The following PCDH7 variants were observed in gnomAD, a reference collection of about 807,000 sequenced individuals.
PCDH7 encodes the protein protocadherin-7.
A neutral mutation model predicts 58.9 loss-of-function variants in PCDH7; 17 were observed. The observed-to-expected ratio is 0.29, with a 90% CI of 0.20 to 0.43. The LOEUF is 0.43. PCDH7 is among the 20% of genes least tolerant of loss of function. The pLI, the probability that PCDH7 is intolerant of heterozygous loss-of-function variation, is 1.00. For missense variants in PCDH7, 1,274 were observed against 1,441.0 expected (o/e 0.88, Z 1.88); for synonymous variants, 664 against 616.4 (o/e 1.08, Z -1.14).
Position 30,908,527 on chromosome 4 carries a change from A to G in PCDH7, c.71-11626A>G, listed in dbSNP as rs571257106. On this transcript the variant is annotated intron_variant, in intron 1 of 3. Transcript: ENST00000509759. ...ACAACAAAGATTAAATCAACTAGAA[A>G]ATCTAGAAGAAACCGGTAAATTTCT... 2.6e-5 allele frequency among the ~76,000 whole-genome samples: 4 copies of G among 152,258 alleles called. No homozygotes were observed. The East Asian group carries it at 7.8e-4, about 30-fold the overall frequency.
intron 3 of PCDH7, among the ~76,000 whole-genome samples, chr4:31,029,729 G>T (rs1418660306): frequency 6.6e-6 from 1 of 152,058 alleles, no homozygotes; most frequent in Non-Finnish European, 1.5e-5. Context: ...GAAGAATCCG[G>T]GCAACATTTG....
chr4:30,735,524 C>T (rs28420079), downstream of PCDH7, among the ~76,000 whole-genome samples: 77,733 of 151,908 alleles, frequency 0.51, 20,202 homozygotes, highest in East Asian at 0.61. Context: ...GTAAGTGACC[C>T]CTGAAGCAGT....
At chr4:31,066,199 A>G (rs1758074755) in intron 3 of PCDH7, among the ~76,000 whole-genome samples, 1 of 151,894 alleles carries the variant, frequency 6.6e-6, no homozygotes. Context: ...TTTACTCTTA[A>G]GATTCACTCT....
intron 3 of PCDH7, among the ~76,000 whole-genome samples, chr4:31,038,770 T>C (rs1451385331): frequency 6.6e-6 from 1 of 152,196 alleles, no homozygotes; most frequent in Non-Finnish European, 1.5e-5. Context: ...TCAATTCTTC[T>C]ATTGATGGAC....
chr4:31,096,764 C>A lies in PCDH7; in HGVS notation c.*8-45709C>A, dbSNP rs535407501. 3.9e-5 allele frequency among the ~76,000 whole-genome samples: 6 copies of A among 152,210 alleles called. No individual in the cohort carries two copies. The South Asian group carries it at 1.2e-3, about 32-fold the overall frequency. ...CTTAGACAATCCAGATGGGCAGATT[C>A]TGGGATCCTTGCTTTCAGTTGGTTA... On this transcript the variant is annotated intron_variant, in intron 3 of 3. Coordinates refer to the PCDH7 transcript ENST00000509759.
intron 3 of PCDH7, among the ~76,000 whole-genome samples, chr4:31,138,717 C>A (rs1157175419): frequency 6.6e-6 from 1 of 152,024 alleles, no homozygotes; most frequent in Non-Finnish European, 1.5e-5. Context: ...CTGTTACTTT[C>A]TCCCAGCACT....
intron 1 of PCDH7, among the ~76,000 whole-genome samples, chr4:30,750,198 G>C (rs1454849169): frequency 1.3e-5 from 2 of 152,180 alleles, no homozygotes; most frequent in Non-Finnish European, 2.9e-5. Context: ...ACTAGAGAGA[G>C]GGAGAAGTTA....
chr4:30,838,552 A>G (rs1351230613), intron 1 of PCDH7, among the ~76,000 whole-genome samples: 1 of 152,154 alleles, frequency 6.6e-6, no homozygotes, highest in Non-Finnish European at 1.5e-5. Context: ...CGTGGAAGTG[A>G]TCTATCAGAA....
rs763322097 is a variant in PCDH7, at chr4:30,723,728, C to T, written c.2306C>T (p.Thr769Ile). ...ACAGTAGTAGCTACAGTGTTGGCAA[C>T]AGACAGTGATGATGGCATCAATGCA... Residue 769 changes from threonine (T) to isoleucine (I), a missense_variant, in exon 1 of 2, where the codon ACA becomes ATA. Around this residue, in one of 3 missense-constraint regions of PCDH7, gnomAD observed 731 missense variants for 881.9 expected, o/e 0.83. Coordinates refer to ENST00000361762, the Ensembl canonical transcript of PCDH7. This position sits in a 1 kb window ranked among gnomAD's most constrained non-coding sequence, Gnocchi z 4.6. 1.9e-6 allele frequency: 3 copies of T among 1,614,168 alleles called. No individual in the cohort carries two copies. In the East Asian group the frequency reaches 6.7e-5, roughly 36 times the overall value.
At chr4:31,009,702 G>A (rs540512747) in intron 3 of PCDH7, among the ~76,000 whole-genome samples, 1 of 151,880 alleles carries the variant, frequency 6.6e-6, no homozygotes, top group Admixed American at 6.6e-5. Context: ...GATATTTTCA[G>A]GAAATTTATT....
intron 3 of PCDH7, among the ~76,000 whole-genome samples, chr4:31,130,107 G>T (rs554785717): frequency 1.3e-5 from 2 of 152,228 alleles, no homozygotes; most frequent in African/African-American, 2.4e-5. Flanking sequence ...CTGCTTCTTA[G>T]ATGTTACGTC....
At chr4:30,962,438 A>C (rs4538442) in intron 3 of PCDH7, among the ~76,000 whole-genome samples, 92,867 of 151,360 alleles carry the variant, frequency 0.61, 29,718 homozygotes, top group African/African-American at 0.81. Context: ...TATGCATGCA[A>C]TAAAGTAAGT....
chr4:30,721,361 G>T lies in PCDH7; in HGVS notation c.-62G>T. 1 of 1,411,380 alleles carries T rather than the reference G, an allele frequency of 7.1e-7. No homozygotes were observed. The highest frequency in any genetic ancestry group is 9.3e-7 in the Non-Finnish European group (1 of 1,078,604). 87.4% of individuals were successfully genotyped at this position (1,411,380 alleles called of 1,614,324 possible). Reference sequence around the variant, plus strand: ...GGGGGAGGGCAGGCGGCCGGCCCCGGAGGAGGGGGGCGCCGAGGGGGCTGT... The same window carrying T: ...GGGGGAGGGCAGGCGGCCGGCCCCGTAGGAGGGGGGCGCCGAGGGGGCTGT... On this transcript the variant is annotated 5_prime_UTR_variant, in exon 1 of 2. Coordinates refer to ENST00000361762, the Ensembl canonical transcript of PCDH7. The surrounding 1 kb of genome is among the most constrained non-coding windows in gnomAD (Gnocchi z 6.7).
intron 3 of PCDH7, among the ~76,000 whole-genome samples, chr4:31,121,607 G>A (rs1717701240): frequency 6.6e-6 from 1 of 152,046 alleles, no homozygotes; most frequent in Admixed American, 6.6e-5. Context: ...TACTAGTTGA[G>A]AATTTGTAGT....
chr4:30,881,512 C>T (rs1383692496), intron 1 of PCDH7, among the ~76,000 whole-genome samples: 5 of 152,142 alleles, frequency 3.3e-5, no homozygotes, highest in African/African-American at 9.6e-5. Flanking sequence ...GAATTCATGT[C>T]ATCTCTAGCA....
At position 31,095,429 on chromosome 4, in the gene PCDH7, C is replaced by T. The variant is rs141832627; in HGVS notation, c.*8-47044C>T. ...TCGACTTACTGACCCCAGAACTGCT[C>T]TCTGCAGGCCCTTGGAGGAAATCTA... On this transcript the variant is annotated intron_variant, in intron 3 of 3. Coordinates refer to the PCDH7 transcript ENST00000509759. 1.5e-4 allele frequency among the ~76,000 whole-genome samples: 23 copies of T among 152,210 alleles called. No individual in the cohort carries two copies. In the East Asian group the frequency reaches 2.5e-3, roughly 17 times the overall value.
intron 1 of PCDH7, among the ~76,000 whole-genome samples, chr4:30,858,646 TG>T: frequency 6.6e-6 from 1 of 152,300 alleles, no homozygotes; most frequent in South Asian, 2.1e-4. Context: ...AATACATCTC[TG>T]TAGCAAAGAG....
rs143845495 is a variant in PCDH7, at chr4:31,107,607, A to G, written c.*8-34866A>G. On this transcript the variant is annotated intron_variant, in intron 3 of 3. Transcript: ENST00000509759. ...TGAGTCAGGTACCACTGAGTTAGTC[A>G]TCTGGGATGAGAGTTTCTAATCTTT... is the stretch of plus-strand genomic sequence containing the variant. Among the ~76,000 whole-genome samples, 113 of 152,306 alleles carry G rather than the reference A, an allele frequency of 7.4e-4. 1 individual carries two copies. The highest frequency in any genetic ancestry group is 2.6e-3 in the African/African-American group (106 of 41,562).
intron 3 of PCDH7, among the ~76,000 whole-genome samples, chr4:31,016,952 TG>T (rs1236098118): frequency 6.6e-6 from 1 of 151,222 alleles, no homozygotes; most frequent in Non-Finnish European, 1.5e-5. Context: ...GCTGGGTGTG[TG>T]TATGTGTTTG....
Sources: allele counts gnomAD v4.1 joint callset (sites outside exome capture counted in the v4.1 genomes callset), GRCh38; gene constraint gnomAD v4.1.1; regional missense constraint gnomAD v4.1.1; non-coding constraint Gnocchi (gnomAD v3.1); transcripts MANE v1.5; gene names NCBI Gene and HGNC (gene_info 2026-07-23, HGNC 2026-07-21).